Variants in NLGN1 observed in about 807,000 individuals in gnomAD.
NLGN1 encodes neuroligin-1.
A neutral mutation model predicts 65.5 loss-of-function variants in NLGN1; 12 were observed. The observed-to-expected ratio is 0.18, with a 90% CI of 0.12 to 0.30. The LOEUF (loss-of-function observed/expected upper bound fraction) is 0.30. Ranked by LOEUF, NLGN1 falls within the 10% of genes least tolerant of loss-of-function variation. The pLI is 1.00. For synonymous variants in NLGN1, 350 were observed against 359.5 expected, an observed-to-expected ratio of 0.97 and a Z score of 0.30; for missense variants, 750 against 1,007.1, an observed-to-expected ratio of 0.74 and a Z score of 3.46.
chr3:173,713,158 A>G (rs1037932863), intron 3 of NLGN1, among the ~76,000 whole-genome samples: 3 of 152,184 alleles, frequency 2.0e-5, no homozygotes, highest in South Asian at 2.1e-4. Flanking sequence ...GGAAGCTGAA[A>G]TTGTTTTCCA....
intron 4 of NLGN1, among the ~76,000 whole-genome samples, chr3:174,054,105 T>C (rs191958292): frequency 6.6e-6 from 1 of 152,174 alleles, no homozygotes; most frequent in East Asian, 1.9e-4. Flanking sequence ...GCTCAAAATA[T>C]AGCTTCTTTG....
At chr3:173,489,245 C>T (rs929697324) in intron 2 of NLGN1, among the ~76,000 whole-genome samples, 9 of 151,994 alleles carry the variant, frequency 5.9e-5, no homozygotes, top group Admixed American at 5.9e-4. Context: ...TACCCCCACC[C>T]CACAACAGGC....
At chr3:173,716,903 G>T (rs187379466) in intron 3 of NLGN1, among the ~76,000 whole-genome samples, 1 of 152,088 alleles carries the variant, frequency 6.6e-6, no homozygotes, top group Non-Finnish European at 1.5e-5. Context: ...CTGAAGGGGT[G>T]GGGGGTCTGC....
At chr3:173,901,417 G>A (rs530896302) in intron 4 of NLGN1, among the ~76,000 whole-genome samples, 2 of 151,062 alleles carry the variant, frequency 1.3e-5, no homozygotes, top group African/African-American at 4.9e-5. Flanking sequence ...TTTCTCTATG[G>A]CATATTAGAT....
intron 2 of NLGN1, among the ~76,000 whole-genome samples, chr3:173,454,526 G>A (rs939583194): frequency 6.6e-6 from 1 of 152,196 alleles, no homozygotes; most frequent in Admixed American, 6.5e-5. Context: ...GGATAAGTTG[G>A]TGGCAGCTTC....
At chr3:173,915,257 G>C (rs78290531) in intron 4 of NLGN1, among the ~76,000 whole-genome samples, 1,882 of 152,262 alleles carry the variant, frequency 0.012, 41 homozygotes, top group African/African-American at 0.043. Flanking sequence ...GATGAAAATC[G>C]ATTTCCTATT....
At chr3:173,975,361 T>G (rs933301500) in intron 4 of NLGN1, among the ~76,000 whole-genome samples, 1 of 151,810 alleles carries the variant, frequency 6.6e-6, no homozygotes, top group Non-Finnish European at 1.5e-5. Flanking sequence ...TGAAGAGTGG[T>G]TGATTGGGGA....
At chr3:173,816,400 T>A (rs1479749404) in intron 4 of NLGN1, among the ~76,000 whole-genome samples, 2 of 152,208 alleles carry the variant, frequency 1.3e-5, no homozygotes, top group Non-Finnish European at 2.9e-5. Flanking sequence ...TAAATAGCAT[T>A]CAGTGGTGGA....
intron 3 of NLGN1, among the ~76,000 whole-genome samples, chr3:173,660,447 C>T (rs529223587): frequency 6.6e-6 from 1 of 151,764 alleles, no homozygotes; most frequent in Non-Finnish European, 1.5e-5. Flanking sequence ...GGTTCCCCAA[C>T]TTCCAAATTC....
chr3:174,005,765 T>C (rs1460046267), intron 4 of NLGN1, among the ~76,000 whole-genome samples: 1 of 152,070 alleles, frequency 6.6e-6, no homozygotes, highest in African/African-American at 2.4e-5. Context: ...AATATATGTA[T>C]TCCTGAGTGA....
intron 3 of NLGN1, among the ~76,000 whole-genome samples, chr3:173,678,828 T>C (rs1416715885): frequency 6.6e-6 from 1 of 152,052 alleles, no homozygotes; most frequent in Admixed American, 6.6e-5. Flanking sequence ...GTGAGAAACA[T>C]TGAGAGCTTC....
rs9852871 is a variant in NLGN1 at position 173,500,699 on chromosome 3, G to A, written c.-321+65621G>A. Among the ~76,000 whole-genome samples the A allele has an allele frequency of 9.0e-3, 1,371 of 151,894 alleles. 23 individuals carry two copies. Among genetic ancestry groups the A allele is most frequent in the African/African-American group, 0.032 (1,320 of 41,458 alleles). ...TCTGGTCCTGGACATTTTTTGGTTG[G>A]TAAGCTTTTAATTATTGCATCAATT... is the stretch of plus-strand genomic sequence containing the variant. On this transcript the variant is annotated intron_variant, in intron 2 of 6. Coordinates refer to ENST00000457714, the Ensembl canonical transcript of NLGN1.
chr3:174,004,481 T>C (rs537600809), intron 4 of NLGN1, among the ~76,000 whole-genome samples: 15 of 152,280 alleles, frequency 9.9e-5, no homozygotes, highest in Non-Finnish European at 2.2e-4. Flanking sequence ...TATCTTTTTT[T>C]ATCCTTAAGT....
intron 3 of NLGN1, among the ~76,000 whole-genome samples, chr3:173,738,432 G>A (rs1444595048): frequency 6.6e-6 from 1 of 152,012 alleles, no homozygotes; most frequent in Non-Finnish European, 1.5e-5. Context: ...ATGGTGTGAG[G>A]AAGGAGTCCA....
chr3:173,996,425 T>C (rs1308275395), intron 4 of NLGN1, among the ~76,000 whole-genome samples: 1 of 152,176 alleles, frequency 6.6e-6, no homozygotes, highest in African/African-American at 2.4e-5. Context: ...GCCTCAAGAA[T>C]GTGCCTTTAC....
chr3:173,581,371 T>G (rs1269300945), intron 2 of NLGN1, among the ~76,000 whole-genome samples: 2 of 151,962 alleles, frequency 1.3e-5, no homozygotes, highest in African/African-American at 4.8e-5. Flanking sequence ...ATACTCTGGG[T>G]GAGTTTTCTT....
intron 2 of NLGN1, among the ~76,000 whole-genome samples, chr3:173,558,967 C>T (rs988797860): frequency 2.0e-5 from 3 of 152,016 alleles, no homozygotes; most frequent in African/African-American, 7.2e-5. Flanking sequence ...TAGGAATCCT[C>T]GGTCAGAATT....
chr3:173,968,303 A>G (rs1244930724), intron 4 of NLGN1, among the ~76,000 whole-genome samples: 1 of 152,156 alleles, frequency 6.6e-6, no homozygotes, highest in Non-Finnish European at 1.5e-5. Flanking sequence ...CTTAATTTTG[A>G]ACTGTTATTT....
chr3:174,182,547 G>A (rs1194827210), intron 4 of NLGN1, among the ~76,000 whole-genome samples: 2 of 152,134 alleles, frequency 1.3e-5, no homozygotes, highest in Non-Finnish European at 2.9e-5. Context: ...TAGGTCTTGG[G>A]TAAGGCCTGA....
Sources: allele counts gnomAD v4.1 joint callset (sites outside exome capture counted in the v4.1 genomes callset), GRCh38; gene constraint gnomAD v4.1.1; transcripts MANE v1.5; gene names NCBI Gene and HGNC (gene_info 2026-07-23, HGNC 2026-07-21).